Variants in COL24A1 observed in about 807,000 individuals in gnomAD.
COL24A1 encodes collagen type XXIV alpha 1 chain, also known as collagen alpha-1(XXIV) chain.
A neutral mutation model predicts 253.9 loss-of-function variants in COL24A1; 224 were observed. That is an observed-to-expected ratio of 0.88 (90% confidence interval 0.79 to 0.99). The LOEUF is 0.99. Ranked by LOEUF, COL24A1 falls within the 50% of genes least tolerant of loss-of-function variation. The pLI, the probability that COL24A1 is intolerant of heterozygous loss-of-function variation, is 0.00. For missense variants in COL24A1, 2,131 were observed against 2,068.5 expected, an observed-to-expected ratio of 1.03 and a Z score of -0.59; for synonymous variants, 685 against 673.7, an observed-to-expected ratio of 1.02 and a Z score of -0.26.
rs541833323 is a variant in COL24A1, at chr1:86,115,239, A to G, written c.1545+86T>C. 43 of 1,350,308 alleles carry G rather than the reference A, an allele frequency of 3.2e-5. No individual in the cohort carries two copies. In the African/African-American group the frequency reaches 5.8e-4, roughly 18 times the overall value. The allele number at this position is 1,350,308 out of a possible 1,614,324, so 83.6% of individuals were successfully genotyped here. A position where few individuals can be genotyped will look rare whatever the true frequency, so the allele number is the denominator to read the frequency against. ...GAAGATCCAGGCAGGTTTCCAAAGGAAGTACATACTGTACAATACTAGAAA... is the reference window on the plus strand; with the variant it reads ...GAAGATCCAGGCAGGTTTCCAAAGGGAGTACATACTGTACAATACTAGAAA... On this transcript the variant is annotated intron_variant, in intron 4 of 59. Coordinates refer to ENST00000370571, the MANE Select transcript of COL24A1 (RefSeq NM_152890.7).
intron 32 of COL24A1, chr1:85,883,944 TTGTC>T (rs1682173037): frequency 6.6e-6 from 1 of 152,234 alleles, no homozygotes; most frequent in Non-Finnish European, 1.5e-5. Context: ...TTTGTACAAA[TTGTC>T]TGTTAGATCA....
chr1:85,841,461 GTTC>G (rs1676604626), intron 41 of COL24A1, among the ~76,000 whole-genome samples, 183 bp from the exon 42 acceptor site: 1 of 151,990 alleles, frequency 6.6e-6, no homozygotes, highest in Admixed American at 6.6e-5. Flanking sequence ...TTTGTACAGG[GTTC>G]TTCTTGGAGG....
intron 19 of COL24A1, among the ~76,000 whole-genome samples, chr1:86,002,834 C>T (rs1695560752): frequency 6.6e-6 from 1 of 152,114 alleles, no homozygotes; most frequent in South Asian, 2.1e-4. Context: ...GTCTTACATA[C>T]TCCACCACAA....
chr1:85,960,907 A>AAATAAATG, intron 24 of COL24A1: 1 of 175,388 alleles, frequency 5.7e-6, no homozygotes, highest in Non-Finnish European at 1.1e-5. Context: ...ATAAATAAAT[A>AAATAAATG]AATAAATAAA....
chr1:86,002,610 AC>A (rs1269714085), intron 19 of COL24A1, among the ~76,000 whole-genome samples: 3 of 152,114 alleles, frequency 2.0e-5, no homozygotes, highest in African/African-American at 7.2e-5. Flanking sequence ...ACAGAACATC[AC>A]CCCAATCCAC....
At chr1:86,060,923 A>T (rs1220495063) in intron 8 of COL24A1, among the ~76,000 whole-genome samples, 1 of 151,810 alleles carries the variant, frequency 6.6e-6, no homozygotes, top group Non-Finnish European at 1.5e-5. Flanking sequence ...TTCCTATAAC[A>T]TTTATTGAGC....
At chr1:85,735,110 T>G (rs1663911285) in intron 58 of COL24A1, 146 bp from the exon 59 acceptor site, 8 of 688,012 alleles carry the variant, frequency 1.2e-5, no homozygotes. Context: ...GGTGTGCTGG[T>G]AAATGTTTAA....
At chr1:85,823,141 T>C (rs1673838743) in intron 45 of COL24A1, among the ~76,000 whole-genome samples, 1 of 152,208 alleles carries the variant, frequency 6.6e-6, no homozygotes, top group Non-Finnish European at 1.5e-5. Context: ...TTAACAATTA[T>C]CATTTAATAA....
intron 57 of COL24A1, 40 bp from the exon 58 acceptor site, chr1:85,737,545 A>C: frequency 7.5e-7 from 1 of 1,339,710 alleles, no homozygotes; most frequent in Non-Finnish European, 1.0e-6. Context: ...AAGTTATTAA[A>C]TGCCATAATC....
At chr1:86,003,374 G>A (rs549681056) in intron 19 of COL24A1, among the ~76,000 whole-genome samples, 3 of 152,096 alleles carry the variant, frequency 2.0e-5, no homozygotes, top group Admixed American at 1.3e-4. Flanking sequence ...AAGTGGGACC[G>A]GGGGAACAAG....
chr1:85,987,618 C>T lies in COL24A1; in HGVS notation c.2347G>A (p.Gly783Ser), dbSNP rs775151220. ...PGDIGIPGQNGPEGPKGLLGN... is the reference protein window; with the variant it reads ...PGDIGIPGQNSPEGPKGLLGN... ...CTTCTTACCTTTGGTCCTTCAGGGC[C>T]GTTTTGTCCAGGAATCCCAATATCT... The change falls in exon 20 of 60, where the codon GGC becomes AGC. Residue 783 changes from glycine to serine, a missense_variant. By Grantham distance (56) the Gly-to-Ser change is moderately conservative. Coordinates refer to ENST00000370571, the MANE Select transcript of COL24A1 (RefSeq NM_152890.7). 31 of 1,610,788 alleles carry T rather than the reference C, an allele frequency of 1.9e-5. No homozygotes were observed. The highest frequency in any genetic ancestry group is 2.0e-5 in the Non-Finnish European group (24 of 1,178,016).
chr1:85,739,338 A>C (rs1034944109), intron 57 of COL24A1, among the ~76,000 whole-genome samples: 10 of 152,100 alleles, frequency 6.6e-5, no homozygotes, highest in African/African-American at 2.4e-4. Flanking sequence ...GTTATATTCT[A>C]TTTGGGTAGG....
chr1:86,070,994 T>C (rs1256104351), intron 7 of COL24A1, among the ~76,000 whole-genome samples: 1 of 151,984 alleles, frequency 6.6e-6, no homozygotes, highest in Non-Finnish European at 1.5e-5. Flanking sequence ...AGTGGAAAGA[T>C]TAAATGAAAA....
intron 59 of COL24A1, among the ~76,000 whole-genome samples, chr1:85,733,769 G>A (rs1022597525): frequency 2.0e-5 from 3 of 151,036 alleles, no homozygotes; most frequent in East Asian, 3.9e-4. Flanking sequence ...TAGTAGAGAC[G>A]GAGTTTCTCC....
chr1:85,833,671 G>A (rs997096675), intron 43 of COL24A1, among the ~76,000 whole-genome samples: 109 of 152,246 alleles, frequency 7.2e-4, no homozygotes, highest in Non-Finnish European at 1.4e-3. Context: ...GCACACGTAT[G>A]TTTATTGTGG....
At chr1:85,735,018 C>T in intron 58 of COL24A1, 54 bp from the exon 59 acceptor site, 1 of 1,552,410 alleles carries the variant, frequency 6.4e-7, no homozygotes, top group Non-Finnish European at 8.8e-7. Flanking sequence ...AGAAACTTAA[C>T]AGTTCAGGAA....
chr1:85,801,330 T>C (rs1242254635), intron 47 of COL24A1, among the ~76,000 whole-genome samples: 3 of 152,202 alleles, frequency 2.0e-5, no homozygotes, highest in Non-Finnish European at 4.4e-5. Flanking sequence ...ACTGCATCGC[T>C]GGGGTTCTCT....
chr1:85,988,603 A>G (rs762044193), intron 19 of COL24A1, among the ~76,000 whole-genome samples: 7 of 152,236 alleles, frequency 4.6e-5, no homozygotes, highest in Non-Finnish European at 1.0e-4. Context: ...AAAGTAAAAG[A>G]AGTATAAGAA....
At chr1:85,821,659 G>T (rs1315196307) in intron 45 of COL24A1, among the ~76,000 whole-genome samples, 1 of 152,130 alleles carries the variant, frequency 6.6e-6, no homozygotes, top group Non-Finnish European at 1.5e-5. Flanking sequence ...CCCTTGGGTT[G>T]TATGCCAGCA....
Sources: allele counts gnomAD v4.1 joint callset (sites outside exome capture counted in the v4.1 genomes callset), GRCh38; gene constraint gnomAD v4.1.1; transcripts MANE v1.5; gene names NCBI Gene and HGNC (gene_info 2026-07-23, HGNC 2026-07-21).